NSMAF: variants seen among roughly 807,000 people sequenced by gnomAD.
The protein encoded by NSMAF is neutral sphingomyelinase activation associated factor, also known as protein FAN.
Under a neutral mutation model 134.9 loss-of-function variants are expected in NSMAF, and 90 were observed. The observed-to-expected ratio is 0.67, with a 90% CI of 0.56 to 0.79. NSMAF has a LOEUF of 0.79. Ranked by LOEUF, NSMAF falls within the 30% of genes least tolerant of loss-of-function variation. The pLI is 0.00. For synonymous variants in NSMAF, 358 were observed against 389.6 expected (o/e 0.92, Z 0.96); for missense variants, 1,010 against 1,119.0 (o/e 0.90, Z 1.39).
chr8:58,598,040 C>A, intron 19 of NSMAF, 138 bp from the exon 20 acceptor site: 1 of 632,988 alleles, frequency 1.6e-6, no homozygotes, highest in Non-Finnish European at 2.8e-6. Context: ...AGACTAATAT[C>A]CAACTGCAGT....
intron 9 of NSMAF, among the ~76,000 whole-genome samples, chr8:58,620,222 C>G (rs537882039): frequency 6.6e-6 from 1 of 152,280 alleles, no homozygotes; most frequent in East Asian, 1.9e-4. Flanking sequence ...TCAGGAAAGA[C>G]CTTCTAGAAG....
chr8:58,636,464 A>G (rs1186032052), intron 2 of NSMAF, among the ~76,000 whole-genome samples: 6 of 152,220 alleles, frequency 3.9e-5, no homozygotes, highest in Non-Finnish European at 7.3e-5. Flanking sequence ...TCACATCCAG[A>G]GGCACCCAGA....
chr8:58,589,603 AGTAGTCTG>A (rs1419105262), intron 25 of NSMAF, 28 bp from the exon 26 acceptor site: 2 of 1,550,042 alleles, frequency 1.3e-6, no homozygotes, highest in Non-Finnish European at 1.7e-6. Flanking sequence ...GCATTAAAAC[AGTAGTCTG>A]GCTTAATTTT....
chr8:58,659,058 G>T (rs1220741191), intron 1 of NSMAF: 4 of 701,546 alleles, frequency 5.7e-6, no homozygotes, highest in Non-Finnish European at 8.7e-6. Flanking sequence ...CAGGAAAAAG[G>T]CGCGGCAATG....
chr8:58,587,848 C>A, intron 26 of NSMAF, 147 bp from the exon 27 acceptor site: 2 of 660,292 alleles, frequency 3.0e-6, no homozygotes, highest in South Asian at 3.7e-5. Flanking sequence ...GCTCCTCCTC[C>A]CTATGCCTGC....
chr8:58,639,055 C>T (rs1025444158), intron 2 of NSMAF, among the ~76,000 whole-genome samples: 4 of 151,884 alleles, frequency 2.6e-5, no homozygotes, highest in African/African-American at 7.3e-5. Context: ...GAGGCCGAGG[C>T]GGGTGGTTCA....
intron 10 of NSMAF, 73 bp from the exon 11 acceptor site, chr8:58,607,913 A>AG (rs1806445341): frequency 3.3e-6 from 4 of 1,225,886 alleles, no homozygotes; most frequent in Non-Finnish European, 4.8e-6. Context: ...AGTATCAGAA[A>AG]GGGGAAAAAA....
rs1806837612 is a variant in NSMAF at position 58,623,397 on chromosome 8, A to G, written c.484T>C (p.Leu162=). 2.5e-6 allele frequency: 4 copies of G among 1,614,060 alleles called. No individual in the cohort carries two copies. The highest frequency in any genetic ancestry group is 2.7e-5 in the African/African-American group (2 of 75,058). Residue 162 remains leucine, a synonymous_variant, in exon 8 of 31, where the codon TTG becomes CTG. Transcript: ENST00000038176. Reference sequence around the variant, plus strand: ...CTTACCATGGCGGTTTGGTCACCCAATTTGTCAAGGCAGGATGCTCTGTGA... The same window carrying G: ...CTTACCATGGCGGTTTGGTCACCCAGTTTGTCAAGGCAGGATGCTCTGTGA... The part of the protein sequence containing the change: ...QLHRASCLDK[L]GDQTAMITAI...
chr8:58,624,737 GCT>G (rs758224343), intron 6 of NSMAF, among the ~76,000 whole-genome samples: 2 of 152,192 alleles, frequency 1.3e-5, no homozygotes, highest in Non-Finnish European at 2.9e-5. Flanking sequence ...TGGGTAGAAA[GCT>G]CTGCATATCT....
intron 1 of NSMAF, among the ~76,000 whole-genome samples, chr8:58,644,350 C>T (rs532929457): frequency 2.6e-5 from 4 of 152,154 alleles, no homozygotes; most frequent in Middle Eastern, 3.4e-3. Flanking sequence ...GAAAGCAGAC[C>T]GGGGGAATAA....
chr8:58,631,702 GC>G (rs1194015825), intron 5 of NSMAF, among the ~76,000 whole-genome samples, 156 bp from the exon 6 acceptor site: 2 of 151,978 alleles, frequency 1.3e-5, no homozygotes, highest in Non-Finnish European at 1.5e-5. Flanking sequence ...TACTAGTATG[GC>G]TTTAAAGTAC....
At chr8:58,595,698 G>A in intron 21 of NSMAF, 39 bp from the exon 22 acceptor site, 1 of 1,209,316 alleles carries the variant, frequency 8.3e-7, no homozygotes, top group East Asian at 2.3e-5. Context: ...AGTCAACTAA[G>A]TTACCAACAG....
chr8:58,659,226 G>A (rs781348783), intron 1 of NSMAF: 3 of 1,479,078 alleles, frequency 2.0e-6, no homozygotes, highest in Admixed American at 2.3e-5. Context: ...CTCGCGTGCC[G>A]GGATCCACGC....
rs1806298122 is a variant in NSMAF at position 58,602,111 on chromosome 8, C to T, written c.1072G>A (p.Asp358Asn). The change falls in exon 14 of 31, where the codon GAT (aspartate) becomes AAT (asparagine). Residue 358 changes from aspartate to asparagine, a missense_variant. Physicochemically the swap from Asp to Asn is conservative, Grantham distance 23. Coordinates refer to ENST00000038176, the MANE Select transcript of NSMAF (RefSeq NM_003580.4). ...LDLSNPGTFR[D>N]LSKPVGALNK... Reference sequence around the variant, plus strand: ...AGGGCCCCTACTGGCTTACTGAGATCCCGGAAGGTTCCTGGATTTGACAAA... The same window carrying T: ...AGGGCCCCTACTGGCTTACTGAGATTCCGGAAGGTTCCTGGATTTGACAAA... The T allele has an allele frequency of 6.2e-7, 1 of 1,613,548 alleles. No homozygotes were observed. Among genetic ancestry groups the T allele is most frequent in the Non-Finnish European group, 8.5e-7 (1 of 1,179,600 alleles).
At chr8:58,637,408 T>C (rs1256811987) in intron 2 of NSMAF, 1 of 455,978 alleles carries the variant, frequency 2.2e-6, no homozygotes, top group Non-Finnish European at 4.4e-6. Context: ...AAGATAGAGG[T>C]AAGAAATACT....
intron 28 of NSMAF, 40 bp from the exon 29 acceptor site, chr8:58,586,040 C>A: frequency 6.8e-7 from 1 of 1,463,404 alleles, no homozygotes; most frequent in Non-Finnish European, 9.6e-7. Context: ...GTGACAGCTT[C>A]AGAATGTGGT....
intron 23 of NSMAF, among the ~76,000 whole-genome samples, chr8:58,593,483 C>T (rs1285783945): frequency 6.6e-6 from 1 of 152,138 alleles, no homozygotes; most frequent in Non-Finnish European, 1.5e-5. Context: ...TAACGAGTAG[C>T]CTTACTTTAT....
chr8:58,647,303 T>A (rs1270508755), intron 1 of NSMAF, among the ~76,000 whole-genome samples: 1 of 152,266 alleles, frequency 6.6e-6, no homozygotes, highest in Non-Finnish European at 1.5e-5. Context: ...AGAGTTGATT[T>A]AATTAAACGG....
At chr8:58,607,861 T>A (rs1025619740) in intron 10 of NSMAF, 21 bp from the exon 11 acceptor site, 7 of 1,584,074 alleles carry the variant, frequency 4.4e-6, no homozygotes, top group Middle Eastern at 1.7e-4. Context: ...AGAAAGACAA[T>A]CTCAAACATT....
Sources: allele counts gnomAD v4.1 joint callset (sites outside exome capture counted in the v4.1 genomes callset), GRCh38; gene constraint gnomAD v4.1.1; transcripts MANE v1.5; gene names NCBI Gene and HGNC (gene_info 2026-07-23, HGNC 2026-07-21).